CNBD1: variants seen among roughly 807,000 people sequenced by gnomAD.
CNBD1 encodes cyclic nucleotide-binding domain-containing protein 1.
CNBD1 carries 71 observed loss-of-function variants against 54.4 expected under a neutral mutation model. That is an observed-to-expected ratio of 1.30 (90% CI 1.08 to 1.59). CNBD1 has a LOEUF of 1.59. Ranked by LOEUF, CNBD1 falls within the 40% of genes most tolerant of loss-of-function variation. The pLI, the probability that CNBD1 is intolerant of heterozygous loss-of-function variation, is 0.00. For missense variants in CNBD1, 659 were observed against 518.0 expected (o/e 1.27, Z -2.64); for synonymous variants, 182 against 170.7 (o/e 1.07, Z -0.51).
chr8:87,424,906 T>C (rs1808017836), intron 2 of CNBD1, among the ~76,000 whole-genome samples: 1 of 152,178 alleles, frequency 6.6e-6, no homozygotes, highest in Admixed American at 6.5e-5. Context: ...GATAATATCC[T>C]GCAGAGTGTT....
At chr8:86,917,554 C>T (rs920276861) in intron 3 of CNBD1, among the ~76,000 whole-genome samples, 3 of 152,072 alleles carry the variant, frequency 2.0e-5, no homozygotes, top group Non-Finnish European at 4.4e-5. Flanking sequence ...GAGTGAGTTG[C>T]CAGTAGGACT....
At chr8:87,098,365 T>G (rs1025634529) in intron 4 of CNBD1, among the ~76,000 whole-genome samples, 37 of 152,244 alleles carry the variant, frequency 2.4e-4, no homozygotes, top group African/African-American at 8.4e-4. Flanking sequence ...AGCCCCACTC[T>G]GATATGGCTT....
At chr8:87,187,697 C>G (rs1037608807) in intron 4 of CNBD1, among the ~76,000 whole-genome samples, 5 of 152,074 alleles carry the variant, frequency 3.3e-5, no homozygotes, top group African/African-American at 1.2e-4. Flanking sequence ...ATTGCACTGC[C>G]TTTTTCTTGA....
intron 2 of CNBD1, among the ~76,000 whole-genome samples, chr8:87,426,042 C>A (rs146064199): frequency 6.6e-6 from 1 of 152,172 alleles, no homozygotes. Flanking sequence ...TTAAGCCCGT[C>A]GGAAAATCGC....
Position 87,265,512 on chromosome 8 carries a change from A to G in CNBD1, c.772-19166A>G, listed in dbSNP as rs1434679441. On this transcript the variant is annotated intron_variant, in intron 6 of 10. Transcript: ENST00000518476. ...GTTTTTTGCTTAAATGTTAAAAAGTATTTTTCACATAAGATAATGGGATAA... is the reference window on the plus strand; with the variant it reads ...GTTTTTTGCTTAAATGTTAAAAAGTGTTTTTCACATAAGATAATGGGATAA... Among the ~76,000 whole-genome samples, 3 of 152,102 alleles carry G rather than the reference A, an allele frequency of 2.0e-5. 1 individual carries two copies. Among genetic ancestry groups the G allele is most frequent in the African/African-American group, 7.2e-5 (3 of 41,394 alleles).
intron 6 of CNBD1, among the ~76,000 whole-genome samples, chr8:87,276,285 C>T (rs998032067): frequency 6.6e-6 from 1 of 151,758 alleles, no homozygotes; most frequent in Admixed American, 6.6e-5. Flanking sequence ...CTTGATCCTT[C>T]TTTCAGTTTT....
At chr8:87,369,435 AC>A (rs1247860770) in intron 10 of CNBD1, among the ~76,000 whole-genome samples, 1 of 152,050 alleles carries the variant, frequency 6.6e-6, no homozygotes, top group African/African-American at 2.4e-5. Flanking sequence ...GAACTGAATT[AC>A]CACATTCTAT....
At chr8:87,261,785 A>G (rs1024046950) in intron 6 of CNBD1, among the ~76,000 whole-genome samples, 15 of 152,104 alleles carry the variant, frequency 9.9e-5, no homozygotes, top group Non-Finnish European at 1.5e-4. Flanking sequence ...ACTCAAATAT[A>G]GTAGTACAGA....
chr8:86,957,028 T>G (rs945583216), intron 4 of CNBD1, among the ~76,000 whole-genome samples: 17 of 152,320 alleles, frequency 1.1e-4, no homozygotes, highest in African/African-American at 3.6e-4. Flanking sequence ...TATTGAGAGT[T>G]TTTAGCATGA....
chr8:87,329,103 A>T (rs1288650291), intron 8 of CNBD1, among the ~76,000 whole-genome samples: 3 of 151,888 alleles, frequency 2.0e-5, no homozygotes, highest in Non-Finnish European at 2.9e-5. Context: ...TTTTGTGAAA[A>T]GTATATGGTC....
chr8:87,152,390 G>T (rs1812622975), intron 4 of CNBD1, among the ~76,000 whole-genome samples: 1 of 149,510 alleles, frequency 6.7e-6, no homozygotes, highest in South Asian at 2.1e-4. Context: ...AAGAAGAATT[G>T]TCTTTGGCCA....
Position 87,325,973 on chromosome 8 carries a change from T to G in CNBD1, c.1043-25712T>G, listed in dbSNP as rs1157925798. On this transcript the variant is annotated intron_variant, in intron 8 of 10. Transcript: ENST00000518476. Reference sequence around the variant, plus strand: ...TTCCTTTCCATGTTTAGCGCTTCCTTCAGGAGCTCTTTTAGGGCAGGCCTG... The same window carrying G: ...TTCCTTTCCATGTTTAGCGCTTCCTGCAGGAGCTCTTTTAGGGCAGGCCTG... Among the ~76,000 whole-genome samples, 84 of 108,582 alleles carry G rather than the reference T, an allele frequency of 7.7e-4. 17 individuals are homozygous for G. The highest frequency in any genetic ancestry group is 1.5e-3 in the Non-Finnish European group (74 of 49,578). The allele number at this position is 108,582 out of a possible 152,430, so 71.2% of individuals were successfully genotyped here.
At chr8:87,361,796 TG>T (rs140033034) in intron 10 of CNBD1, among the ~76,000 whole-genome samples, 42 of 150,882 alleles carry the variant, frequency 2.8e-4, no homozygotes, top group East Asian at 7.8e-4. Context: ...AAGAAATAGA[TG>T]GGGGGGTAGA....
chr8:87,141,038 A>G (rs1563484495), intron 4 of CNBD1, among the ~76,000 whole-genome samples: 1 of 152,178 alleles, frequency 6.6e-6, no homozygotes, highest in African/African-American at 2.4e-5. Flanking sequence ...CATTAATAAA[A>G]TATTCTGTCA....
chr8:87,317,185 C>A lies in CNBD1; in HGVS notation c.1042+30514C>A, dbSNP rs1301811616. On this transcript the variant is annotated intron_variant, in intron 8 of 10. Transcript: ENST00000518476. ...TCATTAATTTTCTCCATTGATTTTT[C>A]TCTTTCGTTGATTTCTCCTTTTTTA... Among the ~76,000 whole-genome samples, 4 of 151,548 alleles carry A rather than the reference C, an allele frequency of 2.6e-5. No homozygotes were observed. In the East Asian group the frequency reaches 7.7e-4, roughly 29 times the overall value.
intron 4 of CNBD1, among the ~76,000 whole-genome samples, chr8:87,175,237 T>C (rs916682473): frequency 6.6e-6 from 1 of 152,172 alleles, no homozygotes; most frequent in Non-Finnish European, 1.5e-5. Context: ...TCTGTCTCAC[T>C]GTGGCCAAGC....
chr8:86,899,879 G>A (rs965985930), intron 2 of CNBD1, among the ~76,000 whole-genome samples: 3 of 152,106 alleles, frequency 2.0e-5, no homozygotes, highest in Non-Finnish European at 4.4e-5. Context: ...AGATGGCTGG[G>A]CTCCCCTCCT....
chr8:87,353,836 TC>T (rs1236893463), intron 10 of CNBD1, 50 bp downstream of exon 10: 3 of 1,439,356 alleles, frequency 2.1e-6, no homozygotes, highest in Non-Finnish European at 2.8e-6. Flanking sequence ...TTGGATGAGT[TC>T]TTAAATTTTT....
rs187471052 is a variant in CNBD1, at chr8:87,393,997, G to A, written c.214-34549G>A. ...ACTTACTTGAGTAAATGACCAGTCT[G>A]AATGGAGAAGAGAGTCCAATCAACT... On this transcript the variant is annotated intron_variant, in intron 2 of 7. Transcript: ENST00000521593. Among the ~76,000 whole-genome samples, 5 of 151,874 alleles carry A rather than the reference G, an allele frequency of 3.3e-5. No individual in the cohort carries two copies. The East Asian group carries it at 9.7e-4, about 29-fold the overall frequency.
Sources: allele counts gnomAD v4.1 joint callset (sites outside exome capture counted in the v4.1 genomes callset), GRCh38; gene constraint gnomAD v4.1.1; transcripts MANE v1.5; gene names NCBI Gene and HGNC (gene_info 2026-07-23, HGNC 2026-07-21).